ENTREP2: variants seen among roughly 807,000 people sequenced by gnomAD.
ENTREP2 encodes the protein protein ENTREP2.
chr15:29,522,609 C>G, the ENTREP2 span, among the ~76,000 whole-genome samples: 1 of 152,146 alleles, frequency 6.6e-6, no homozygotes, highest in African/African-American at 2.4e-5. Context: ...GTGCTATTCC[C>G]TTCCCACCTA....
chr15:29,262,963 T>G, the ENTREP2 span, among the ~76,000 whole-genome samples: 4 of 152,356 alleles, frequency 2.6e-5, no homozygotes, highest in East Asian at 1.9e-4. Flanking sequence ...CACAGAAGTC[T>G]TCTTCTGTGT....
the ENTREP2 span, among the ~76,000 whole-genome samples, chr15:29,624,493 TC>T: frequency 6.6e-6 from 1 of 152,310 alleles, no homozygotes; most frequent in East Asian, 1.9e-4. Flanking sequence ...GTTATGTCTC[TC>T]TACAAATGCT....
the ENTREP2 span, among the ~76,000 whole-genome samples, chr15:29,457,075 T>G: frequency 1.3e-5 from 2 of 152,204 alleles, no homozygotes; most frequent in East Asian, 1.9e-4. Flanking sequence ...CTGTGACATA[T>G]GCAGCATTCC....
the ENTREP2 span, among the ~76,000 whole-genome samples, chr15:29,229,897 T>C: frequency 1.3e-5 from 2 of 152,244 alleles, no homozygotes; most frequent in East Asian, 1.9e-4. Flanking sequence ...TCCAGCATCA[T>C]ACAGCCATCC....
At chr15:29,129,061 A>G in the ENTREP2 span, among the ~76,000 whole-genome samples, 1 of 152,078 alleles carries the variant, frequency 6.6e-6, no homozygotes, top group Non-Finnish European at 1.5e-5. Flanking sequence ...GCCAAAGTCT[A>G]GTTTTCTTTT....
the ENTREP2 span, among the ~76,000 whole-genome samples, chr15:29,221,584 G>A: frequency 1.3e-5 from 2 of 152,112 alleles, no homozygotes; most frequent in Non-Finnish European, 2.9e-5. Flanking sequence ...GCACTCCTGA[G>A]GCACTCTTAT....
At chr15:29,483,627 T>A in the ENTREP2 span, among the ~76,000 whole-genome samples, 1 of 152,218 alleles carries the variant, frequency 6.6e-6, no homozygotes, top group East Asian at 1.9e-4. Flanking sequence ...TATTGTGTGG[T>A]CTAACTAGTT....
chr15:29,262,109 A>C, the ENTREP2 span, among the ~76,000 whole-genome samples: 1 of 151,878 alleles, frequency 6.6e-6, no homozygotes, highest in Non-Finnish European at 1.5e-5. Flanking sequence ...CGAAGGCAAA[A>C]AATAATTCTG....
chr15:29,266,990 A>AGCT, the ENTREP2 span: 1 of 152,266 alleles, frequency 6.6e-6, no homozygotes, highest in Non-Finnish European at 1.5e-5. Context: ...AGGAGGAGAA[A>AGCT]GCTGAGTCAG....
chr15:29,473,917 A>T, the ENTREP2 span, among the ~76,000 whole-genome samples: 21 of 152,126 alleles, frequency 1.4e-4, no homozygotes, highest in African/African-American at 4.6e-4. Context: ...CAACATACCC[A>T]AGGTCACCCC....
At chr15:29,219,738 ACTATT>A in the ENTREP2 span, among the ~76,000 whole-genome samples, 1 of 148,978 alleles carries the variant, frequency 6.7e-6, no homozygotes, top group East Asian at 2.0e-4. Context: ...ATTGGAGACT[ACTATT>A]CTAAGTGAAG....
At chr15:29,571,076 G>A in the ENTREP2 span, among the ~76,000 whole-genome samples, 2 of 149,722 alleles carry the variant, frequency 1.3e-5, no homozygotes, top group South Asian at 4.2e-4. Context: ...CCCCGGGCGC[G>A]AGCCCCGCCG....
At chr15:29,563,280 T>C in the ENTREP2 span, among the ~76,000 whole-genome samples, 1 of 152,218 alleles carries the variant, frequency 6.6e-6, no homozygotes, top group Non-Finnish European at 1.5e-5. Flanking sequence ...TGGACACTAA[T>C]TATACATATA....
the ENTREP2 span, among the ~76,000 whole-genome samples, chr15:29,461,036 A>T: frequency 6.6e-6 from 1 of 151,944 alleles, no homozygotes; most frequent in African/African-American, 2.4e-5. Context: ...TACAAATGGG[A>T]TTTTCTCAAG....
chr15:29,196,858 T>C, the ENTREP2 span, among the ~76,000 whole-genome samples: 13 of 152,278 alleles, frequency 8.5e-5, no homozygotes, highest in African/African-American at 2.6e-4. Flanking sequence ...GGTAAATAGA[T>C]TGAAAGTCAC....
chr15:29,134,810 C>T, the ENTREP2 span, among the ~76,000 whole-genome samples: 24 of 152,246 alleles, frequency 1.6e-4, no homozygotes, highest in South Asian at 8.3e-4. Flanking sequence ...ACCTGGCTTG[C>T]GTGCATGTGG....
the ENTREP2 span, among the ~76,000 whole-genome samples, chr15:29,321,172 G>C: frequency 1.6e-4 from 24 of 152,206 alleles, no homozygotes; most frequent in Admixed American, 1.5e-3. Context: ...GAAAGCCAAA[G>C]TCCAAGAGAA....
At chr15:29,163,179 C>A in the ENTREP2 span, among the ~76,000 whole-genome samples, 1 of 152,146 alleles carries the variant, frequency 6.6e-6, no homozygotes, top group Admixed American at 6.5e-5. Flanking sequence ...AGCCCTAGAC[C>A]TTCCCTCTGA....
the ENTREP2 span, among the ~76,000 whole-genome samples, chr15:29,349,253 A>C: frequency 6.6e-6 from 1 of 152,202 alleles, no homozygotes; most frequent in Non-Finnish European, 1.5e-5. Flanking sequence ...AAAAAAAATA[A>C]AATGAGAAGA....
Sources: allele counts gnomAD v4.1 joint callset (sites outside exome capture counted in the v4.1 genomes callset), GRCh38; gene constraint gnomAD v4.1.1; transcripts MANE v1.5; gene names NCBI Gene and HGNC (gene_info 2026-07-23, HGNC 2026-07-21).